Variants in DDX42 observed in about 807,000 individuals in gnomAD.
DDX42 encodes the protein ATP-dependent RNA helicase DDX42.
DDX42 carries 22 observed loss-of-function variants against 101.5 expected under a neutral mutation model. The ratio of observed to expected loss-of-function variants is 0.22; its 90% CI spans 0.15 to 0.31. The LOEUF is 0.31. Ranked by LOEUF, DDX42 falls within the 10% of genes least tolerant of loss-of-function variation. The pLI is 1.00. For synonymous variants in DDX42, 402 were observed against 401.2 expected (o/e 1.00, Z -0.02); for missense variants, 849 against 1,199.9 (o/e 0.71, Z 4.32).
intron 15 of DDX42, among the ~76,000 whole-genome samples, chr17:63,815,288 C>G (rs924873036): frequency 2.0e-5 from 3 of 152,218 alleles, no homozygotes; most frequent in Admixed American, 6.5e-5. Context: ...GGGTTTGAAG[C>G]TTACCTGAAC....
chr17:63,783,879 A>G (rs2039516646), intron 1 of DDX42, among the ~76,000 whole-genome samples: 1 of 152,104 alleles, frequency 6.6e-6, no homozygotes, highest in South Asian at 2.1e-4. Flanking sequence ...CCTGCCTAAC[A>G]TAACGAAACC....
intron 3 of DDX42, 100 bp downstream of exon 3, chr17:63,792,662 T>A (rs928256470): frequency 2.9e-6 from 4 of 1,356,124 alleles, no homozygotes; most frequent in East Asian, 2.6e-5. Context: ...TCTAGTCTTA[T>A]TATTTTTTTT....
At chr17:63,800,428 T>C in intron 5 of DDX42, 40 bp from the exon 6 acceptor site, 1 of 1,594,996 alleles carries the variant, frequency 6.3e-7, no homozygotes, top group Non-Finnish European at 8.6e-7. Flanking sequence ...ACATTCTCAA[T>C]TGTACTTGGG....
intron 11 of DDX42, 23 bp downstream of exon 11, chr17:63,809,682 T>C (rs780185034): frequency 1.3e-6 from 2 of 1,583,854 alleles, no homozygotes. Context: ...TACCAGTTTC[T>C]TCTGTCCCCA....
At chr17:63,804,730 C>T (rs900312667) in intron 6 of DDX42, among the ~76,000 whole-genome samples, 1 of 152,096 alleles carries the variant, frequency 6.6e-6, no homozygotes, top group Admixed American at 6.6e-5. Context: ...CCTGTAATCC[C>T]AGCTACTTGG....
upstream of DDX42, chr17:63,774,092 G>C (rs568658057): frequency 1.8e-4 from 42 of 227,956 alleles, 6 homozygotes; most frequent in East Asian, 2.0e-3. Context: ...GAGCTTTAAG[G>C]TCAGGCGCCT....
At position 63,812,020 on chromosome 17, in the gene DDX42, C is replaced by T; in HGVS notation, c.1487C>T (p.Thr496Ile). Reference protein sequence around the residue: ...NWLTRRLVEFTSSGSVLLFVT... With the variant: ...NWLTRRLVEFISSGSVLLFVT... ...CTTACCCGGCGTCTGGTAGAATTTA[C>T]CTCTTCAGGGAGTGTCCTCCTCTTT... The change falls in exon 14 of 18, where the codon ACC (threonine) becomes ATC (isoleucine). Residue 496 changes from threonine (T) to isoleucine (I), a missense_variant. Thr to Ile is a moderately conservative substitution (Grantham distance 89, BLOSUM62 -1). This residue lies in a region of DDX42 where 370 missense variants were observed against 608.8 expected (regional missense o/e 0.61). Coordinates refer to ENST00000389924, the MANE Select transcript of DDX42 (RefSeq NM_203499.3). The T allele has an allele frequency of 6.2e-7, 1 of 1,614,202 alleles. No individual in the cohort carries two copies. Among genetic ancestry groups the T allele is most frequent in the Non-Finnish European group, 8.5e-7 (1 of 1,180,044 alleles).
intron 12 of DDX42, 49 bp from the exon 13 acceptor site, chr17:63,811,027 C>T (rs112404202): frequency 2.7e-5 from 41 of 1,492,210 alleles, no homozygotes; most frequent in Non-Finnish European, 3.7e-5. Flanking sequence ...AATGGGTATG[C>T]ATAAAGATAT....
intron 6 of DDX42, 85 bp downstream of exon 6, chr17:63,800,702 A>G (rs1330082809): frequency 1.3e-6 from 2 of 1,512,540 alleles, no homozygotes; most frequent in African/African-American, 2.8e-5. Flanking sequence ...TCAGTAGTGG[A>G]ATACTCTTAC....
intron 15 of DDX42, among the ~76,000 whole-genome samples, chr17:63,814,270 A>T (rs1370441154): frequency 6.6e-6 from 1 of 152,232 alleles, no homozygotes; most frequent in Non-Finnish European, 1.5e-5. Flanking sequence ...ACCTGGAGTC[A>T]TCTGAATCCA....
chr17:63,792,634 C>A, intron 3 of DDX42, 72 bp downstream of exon 3: 2 of 1,432,484 alleles, frequency 1.4e-6, no homozygotes, highest in Non-Finnish European at 1.8e-6. Flanking sequence ...TACTTCAAAT[C>A]TTATTCAAAA....
intron 1 of DDX42, among the ~76,000 whole-genome samples, chr17:63,781,675 T>G (rs2039489707): frequency 6.6e-6 from 1 of 152,088 alleles, no homozygotes; most frequent in African/African-American, 2.4e-5. Context: ...CATGTAAGCT[T>G]CTCTTTTTCT....
intron 7 of DDX42, 32 bp downstream of exon 7, chr17:63,805,207 T>G: frequency 6.3e-7 from 1 of 1,597,290 alleles, no homozygotes; most frequent in Non-Finnish European, 8.5e-7. Context: ...ATTCTTAATA[T>G]TAATGTTAAT....
intron 12 of DDX42, among the ~76,000 whole-genome samples, chr17:63,810,800 G>A (rs1031516918): frequency 1.2e-4 from 18 of 152,236 alleles, no homozygotes; most frequent in African/African-American, 4.3e-4. Flanking sequence ...AAATTATACA[G>A]TTTTATCAGT....
rs774293828 is a variant in DDX42 at position 63,807,805 on chromosome 17, C to T, written c.928C>T (p.Pro310Ser). The change falls in exon 9 of 18, where the codon CCC becomes TCC. Residue 310 changes from proline to serine, a missense_variant. Around this residue, in one of 5 missense-constraint regions of DDX42, gnomAD observed 370 missense variants for 608.8 expected, o/e 0.61. Transcript: ENST00000389924. ...TGGGAAAACTGCAGCCTTCATTTGG[C>T]CCATGTTGATTCATATAATGGACCA... The part of the protein sequence containing the change: ...GSGKTAAFIW[P>S]MLIHIMDQKE... The T allele has an allele frequency of 1.2e-6, 2 of 1,613,954 alleles. No homozygotes were observed. The highest frequency in any genetic ancestry group is 1.7e-6 in the Non-Finnish European group (2 of 1,180,002).
rs753293991 is a variant in DDX42, at chr17:63,810,546, G to A, written c.1286G>A (p.Arg429His). 16 of 1,613,916 alleles carry A rather than the reference G, an allele frequency of 9.9e-6. No individual in the cohort carries two copies. The highest frequency in any genetic ancestry group is 1.4e-5 in the Non-Finnish European group (16 of 1,179,980). ...GTTCGATCCATAGCAAGTCATGTTC[G>A]TCCTGACAGGCAGAGTATGTATGAA... Reference protein sequence around the residue: ...YQVRSIASHVRPDRQTLLFSA... With the variant: ...YQVRSIASHVHPDRQTLLFSA... Residue 429 changes from arginine (R) to histidine (H), a missense_variant, in exon 12 of 18, where the codon CGT becomes CAT. Physicochemically the swap from Arg to His is conservative, Grantham distance 29. Coordinates refer to ENST00000389924, the MANE Select transcript of DDX42 (RefSeq NM_203499.3).
rs36034247 is a variant in DDX42, at chr17:63,792,045, CA to C, written c.222-353del. On this transcript the variant is annotated intron_variant, in intron 2 of 17. Transcript: ENST00000389924. Reference sequence around the variant, plus strand: ...CTGGGCGATGAGGAAAACCCCGTCTCAAAAAAAAAAAAAAGTTTTCTTTTTT... The same window carrying C: ...CTGGGCGATGAGGAAAACCCCGTCTCAAAAAAAAAAAAAGTTTTCTTTTTT... Among the ~76,000 whole-genome samples, 141 of 138,026 alleles carry C rather than the reference CA, an allele frequency of 1.0e-3. 1 individual carries two copies. Among genetic ancestry groups the C allele is most frequent in the Middle Eastern group, 7.4e-3 (2 of 270 alleles). The allele number at this position is 138,026 out of a possible 152,430, so 90.6% of individuals were successfully genotyped here. A position where few individuals can be genotyped will look rare whatever the true frequency, so the allele number is the denominator to read the frequency against.
chr17:63,793,879 T>TAA (rs1555572284), intron 3 of DDX42, among the ~76,000 whole-genome samples: 1,475 of 102,774 alleles, frequency 0.014, 89 homozygotes, highest in South Asian at 0.022. Flanking sequence ...TATATATATA[T>TAA]AATTTTTTAA....
In DDX42 at chr17:63,807,892, T is replaced by C; in HGVS notation, c.1015T>C (p.Cys339Arg). Residue 339 changes from cysteine to arginine, a missense_variant, in exon 9 of 18, where the codon TGC becomes CGC. By Grantham distance (180) the Cys-to-Arg change is radical. Around this residue, in one of 5 missense-constraint regions of DDX42, gnomAD observed 370 missense variants for 608.8 expected, o/e 0.61. Transcript: ENST00000389924. ...AVIVCPTRELCQQIHAECKRF... is the reference protein window; with the variant it reads ...AVIVCPTRELRQQIHAECKRF... ...GATTGTGTGTCCTACCAGGGAGCTT[T>C]GCCAGCAGGTATGTGCTTTCTATAG... 6.2e-7 allele frequency: 1 copy of C among 1,612,598 alleles called. No individual in the cohort carries two copies.
Sources: allele counts gnomAD v4.1 joint callset (sites outside exome capture counted in the v4.1 genomes callset), GRCh38; gene constraint gnomAD v4.1.1; regional missense constraint gnomAD v4.1.1; transcripts MANE v1.5; gene names NCBI Gene and HGNC (gene_info 2026-07-23, HGNC 2026-07-21).